RALGAPA2: variants seen among roughly 807,000 people sequenced by gnomAD.
RALGAPA2 encodes Ral GTPase activating protein catalytic subunit alpha 2, also known as ral GTPase-activating protein subunit alpha-2.
Under a neutral mutation model 230.4 loss-of-function variants are expected in RALGAPA2, and 139 were observed. That is an observed-to-expected ratio of 0.60 (90% CI 0.53 to 0.69). The LOEUF is 0.69. Among genes scored for constraint, RALGAPA2 ranks in the 30% least tolerant of loss-of-function variants. RALGAPA2 has a pLI of 0.00. For missense variants in RALGAPA2, 2,163 were observed against 2,276.0 expected, an observed-to-expected ratio of 0.95 and a Z score of 1.01; for synonymous variants, 847 against 837.8, an observed-to-expected ratio of 1.01 and a Z score of -0.19.
chr20:20,534,428 G>C (rs928347887), intron 26 of RALGAPA2, among the ~76,000 whole-genome samples: 1 of 150,086 alleles, frequency 6.7e-6, no homozygotes, highest in Admixed American at 6.7e-5. Context: ...CTGGGCGATA[G>C]AGCAAGACCC....
intron 1 of RALGAPA2, among the ~76,000 whole-genome samples, chr20:20,691,426 G>A (rs1424358037): frequency 6.6e-6 from 1 of 152,070 alleles, no homozygotes; most frequent in African/African-American, 2.4e-5. Context: ...GTATTTATCA[G>A]AGCACAGGCC....
intron 14 of RALGAPA2, among the ~76,000 whole-genome samples, chr20:20,605,881 C>G (rs1422605412): frequency 6.6e-6 from 1 of 152,118 alleles, no homozygotes; most frequent in Non-Finnish European, 1.5e-5. Flanking sequence ...TGCCCATGGA[C>G]TCACATTCTT....
In RALGAPA2 at chr20:20,629,346, C is replaced by T. The variant is rs1364444252; in HGVS notation, c.1233+17G>A. The stretch of plus-strand genomic sequence containing the variant: ...ACACACACACACACACACACACACA[C>T]ACACACACACACTAACCTGGTGAAA... On this transcript the variant is annotated intron_variant, in intron 10 of 39. Coordinates refer to ENST00000202677, the MANE Select transcript of RALGAPA2 (RefSeq NM_020343.4). 1.9e-6 allele frequency: 3 copies of T among 1,542,004 alleles called. No homozygotes were observed.
At chr20:20,648,335 G>C (rs2067284582) in intron 4 of RALGAPA2, among the ~76,000 whole-genome samples, 1 of 152,066 alleles carries the variant, frequency 6.6e-6, no homozygotes, top group Non-Finnish European at 1.5e-5. Context: ...GTTGCCTAGG[G>C]ACTGGGGGAT....
chr20:20,640,411 A>T (rs1022891948), intron 6 of RALGAPA2, among the ~76,000 whole-genome samples: 1 of 152,224 alleles, frequency 6.6e-6, no homozygotes, highest in African/African-American at 2.4e-5. Context: ...AACAGCCAGA[A>T]AACCAGTCCA....
At chr20:20,618,604 T>C (rs1241312268) in intron 12 of RALGAPA2, among the ~76,000 whole-genome samples, 3 of 152,122 alleles carry the variant, frequency 2.0e-5, no homozygotes, top group African/African-American at 7.2e-5. Context: ...GAGGCCTAAG[T>C]GACACATCTC....
chr20:20,413,979 C>T (rs556618767), intron 37 of RALGAPA2, among the ~76,000 whole-genome samples: 1 of 152,380 alleles, frequency 6.6e-6, no homozygotes, highest in South Asian at 2.1e-4. Flanking sequence ...TTATTCTGCA[C>T]AGCACTTGGC....
At chr20:20,641,813 C>CT (rs1296710450) in intron 5 of RALGAPA2, among the ~76,000 whole-genome samples, 1 of 151,952 alleles carries the variant, frequency 6.6e-6, no homozygotes, top group Non-Finnish European at 1.5e-5. Context: ...AAGAATATTG[C>CT]AAGTCAAACA....
In RALGAPA2 at chr20:20,650,133, T is replaced by C. The variant is rs77785558; in HGVS notation, c.328+3397A>G. On this transcript the variant is annotated intron_variant, in intron 4 of 39. Coordinates refer to ENST00000202677, the MANE Select transcript of RALGAPA2 (RefSeq NM_020343.4). Reference sequence around the variant, plus strand: ...ACCTCCAGATGGAATAATGAACCCATGTTCATTTCACATTGCAAAACTTAC... The same window carrying C: ...ACCTCCAGATGGAATAATGAACCCACGTTCATTTCACATTGCAAAACTTAC... Among the ~76,000 whole-genome samples, 1,124 of 152,274 alleles carry C rather than the reference T, an allele frequency of 7.4e-3. 17 individuals are homozygous for C. The highest frequency in any genetic ancestry group is 0.056 in the South Asian group (272 of 4,820).
chr20:20,498,429 C>T lies in RALGAPA2; in HGVS notation c.5209-3154G>A, dbSNP rs138483887. ...TTAAAGTCCCTTTGCCTAAGCCATT[C>T]TGTCTGTTGCTGCTGCCAGGCTGCA... On this transcript the variant is annotated intron_variant, in intron 35 of 39. Coordinates refer to ENST00000202677, the MANE Select transcript of RALGAPA2 (RefSeq NM_020343.4). Among the ~76,000 whole-genome samples the T allele has an allele frequency of 1.9e-3, 291 of 152,364 alleles. 1 individual carries two copies. The highest frequency in any genetic ancestry group is 6.5e-3 in the African/African-American group (270 of 41,590).
intron 15 of RALGAPA2, among the ~76,000 whole-genome samples, chr20:20,604,575 A>C (rs1367622747): frequency 3.9e-5 from 6 of 152,216 alleles, no homozygotes. Flanking sequence ...CTGTAAGGCA[A>C]CCTTGTCCAA....
intron 36 of RALGAPA2, among the ~76,000 whole-genome samples, chr20:20,485,318 T>A (rs2123501262): frequency 6.6e-6 from 1 of 152,332 alleles, no homozygotes; most frequent in South Asian, 2.1e-4. Context: ...CTCTGATTAG[T>A]GTGAGCATGG....
chr20:20,547,080 A>C (rs1269113194), intron 23 of RALGAPA2, among the ~76,000 whole-genome samples: 1 of 152,222 alleles, frequency 6.6e-6, no homozygotes, highest in Non-Finnish European at 1.5e-5. Context: ...CTCTGAGACT[A>C]GACATTTCAT....
At chr20:20,694,779 G>A (rs1453302529) in intron 1 of RALGAPA2, among the ~76,000 whole-genome samples, 2 of 152,182 alleles carry the variant, frequency 1.3e-5, no homozygotes, top group African/African-American at 4.8e-5. Flanking sequence ...AGCGAGGCAG[G>A]TGCAGGGAAG....
At chr20:20,457,055 C>G (rs1396058897) in intron 37 of RALGAPA2, among the ~76,000 whole-genome samples, 1 of 152,156 alleles carries the variant, frequency 6.6e-6, no homozygotes, top group Non-Finnish European at 1.5e-5. Flanking sequence ...TAATATTTAT[C>G]TTTTTATCTC....
chr20:20,547,419 C>A (rs2063803117), intron 23 of RALGAPA2, among the ~76,000 whole-genome samples: 1 of 152,184 alleles, frequency 6.6e-6, no homozygotes, highest in East Asian at 1.9e-4. Flanking sequence ...GCAACAGTAG[C>A]CTTTTGCACA....
At chr20:20,496,294 G>A (rs1028490796) in intron 35 of RALGAPA2, among the ~76,000 whole-genome samples, 7 of 152,116 alleles carry the variant, frequency 4.6e-5, no homozygotes, top group African/African-American at 1.7e-4. Context: ...TCAGGTGTAA[G>A]AACACCCTTG....
chr20:20,524,930 A>C, intron 28 of RALGAPA2, 32 bp from the exon 29 acceptor site: 1 of 1,566,068 alleles, frequency 6.4e-7, no homozygotes, highest in East Asian at 2.3e-5. Flanking sequence ...AATCAAACAG[A>C]CCATATTTGT....
At chr20:20,610,284 A>G (rs1044604760) in intron 14 of RALGAPA2, among the ~76,000 whole-genome samples, 1 of 152,132 alleles carries the variant, frequency 6.6e-6, no homozygotes, top group African/African-American at 2.4e-5. Flanking sequence ...CACACTGTTC[A>G]CTTTCAGTAA....
Sources: allele counts gnomAD v4.1 joint callset (sites outside exome capture counted in the v4.1 genomes callset), GRCh38; gene constraint gnomAD v4.1.1; transcripts MANE v1.5; gene names NCBI Gene and HGNC (gene_info 2026-07-23, HGNC 2026-07-21).